SLIT1: variants seen among roughly 807,000 people sequenced by gnomAD.
SLIT1 encodes slit guidance ligand 1, also known as slit homolog 1 protein.
A neutral mutation model predicts 186.1 loss-of-function variants in SLIT1; 66 were observed. The ratio of observed to expected loss-of-function variants is 0.35; its 90% confidence interval spans 0.29 to 0.44. The LOEUF (loss-of-function observed/expected upper bound fraction) is 0.44, where lower values mean the gene tolerates loss of function less well. Ranked by LOEUF, SLIT1 falls within the 20% of genes least tolerant of loss-of-function variation. SLIT1 has a pLI of 1.00. For missense variants in SLIT1, 1,638 were observed against 2,037.4 expected, an observed-to-expected ratio of 0.80 and a Z score of 3.77; for synonymous variants, 761 against 833.8, an observed-to-expected ratio of 0.91 and a Z score of 1.50.
intron 4 of SLIT1, among the ~76,000 whole-genome samples, chr10:97,111,898 G>T (rs1246246425): frequency 2.0e-5 from 3 of 152,108 alleles, no homozygotes; most frequent in Non-Finnish European, 4.4e-5. Context: ...GTTTGTGAGG[G>T]AATTTGTGCC....
chr10:97,183,406 G>T (rs1311761217), intron 1 of SLIT1, among the ~76,000 whole-genome samples: 2 of 152,216 alleles, frequency 1.3e-5, no homozygotes, highest in African/African-American at 4.8e-5. Flanking sequence ...AGCATCAGAA[G>T]GTACCAGGCA....
intron 4 of SLIT1, among the ~76,000 whole-genome samples, chr10:97,114,976 G>A (rs1446014809): frequency 6.6e-6 from 1 of 152,262 alleles, no homozygotes; most frequent in Middle Eastern, 3.4e-3. Context: ...CTGTTGTGAC[G>A]ATTCCTGCCA....
Position 97,083,311 on chromosome 10 carries a change from A to G in SLIT1, c.414-17225T>C, listed in dbSNP as rs111384791. ...TAACTGAGGCATAGTAACTTTCCCA[A>G]CCTGCCTAACTGCAGAACCCACAAG... On this transcript the variant is annotated intron_variant, in intron 4 of 36. Transcript: ENST00000266058. Among the ~76,000 whole-genome samples, 603 of 152,258 alleles carry G rather than the reference A, an allele frequency of 4.0e-3. 3 individuals carry two copies. The highest frequency in any genetic ancestry group is 0.011 in the African/African-American group (468 of 41,536).
At chr10:97,163,505 G>C in intron 2 of SLIT1, 54 bp from the exon 3 acceptor site, 1 of 1,522,444 alleles carries the variant, frequency 6.6e-7, no homozygotes, top group East Asian at 2.3e-5. Context: ...AGGGCTGCTA[G>C]AAACAGCTGG....
intron 4 of SLIT1, among the ~76,000 whole-genome samples, chr10:97,116,350 GC>G (rs1350527954): frequency 6.6e-6 from 1 of 152,148 alleles, no homozygotes; most frequent in South Asian, 2.1e-4. Flanking sequence ...GCTAGCCGAA[GC>G]CCACTGCAAG....
rs531662419 is a variant in SLIT1 at position 97,176,810 on chromosome 10, C to T, written c.197+8668G>A. Among the ~76,000 whole-genome samples the T allele has an allele frequency of 2.7e-4, 41 of 152,304 alleles. No homozygotes were observed. The South Asian group carries it at 7.0e-3, about 26-fold the overall frequency. On this transcript the variant is annotated intron_variant, in intron 1 of 36. Transcript: ENST00000266058. ...CTCGGCCCAGGTTCAAATCCACAAA[C>T]GTGTAGCCACTGCTCTCCACTGTCA...
At chr10:97,082,768 T>C (rs1849118283) in intron 4 of SLIT1, among the ~76,000 whole-genome samples, 1 of 152,142 alleles carries the variant, frequency 6.6e-6, no homozygotes, top group Non-Finnish European at 1.5e-5. Context: ...ATGAGACACA[T>C]GCTCTCACCA....
intron 4 of SLIT1, among the ~76,000 whole-genome samples, chr10:97,090,469 C>T (rs371066809): frequency 2.0e-5 from 3 of 152,104 alleles, no homozygotes; most frequent in African/African-American, 7.2e-5. Flanking sequence ...CGGAGAGCCT[C>T]GGAGGCATGG....
intron 4 of SLIT1, among the ~76,000 whole-genome samples, chr10:97,077,257 A>G (rs546110991): frequency 6.6e-6 from 1 of 151,298 alleles, no homozygotes; most frequent in Admixed American, 6.6e-5. Flanking sequence ...ACAGAGTGAG[A>G]CTCCATCTCT....
At chr10:97,035,902 C>A (rs1185224240) in intron 22 of SLIT1, among the ~76,000 whole-genome samples, 1 of 152,176 alleles carries the variant, frequency 6.6e-6, no homozygotes, top group Admixed American at 6.5e-5. Context: ...GCTCGTGTTC[C>A]AAGATGCCCT....
chr10:97,047,976 G>C lies in SLIT1; in HGVS notation c.1486C>G (p.Pro496Ala), dbSNP rs550157768. Residue 496 changes from proline to alanine, a missense_variant, in exon 15 of 37, where the codon CCA (proline) becomes GCA (alanine). By Grantham distance (27) the Pro-to-Ala change is conservative. Around this residue, in one of 3 missense-constraint regions of SLIT1, gnomAD observed 1,245 missense variants for 1,535.3 expected, o/e 0.81. Coordinates refer to ENST00000266058, the MANE Select transcript of SLIT1 (RefSeq NM_003061.3). ...RCSAKEQYFI[P>A]GTEDYQLNSE... Reference sequence around the variant, plus strand: ...TTGGATCCCCCCACTCTCCTACCTGGAATGAAGTACTGCTCTTTGGCTGGG... The same window carrying C: ...TTGGATCCCCCCACTCTCCTACCTGCAATGAAGTACTGCTCTTTGGCTGGG... The C allele has an allele frequency of 5.0e-6, 8 of 1,614,138 alleles. No homozygotes were observed. The African/African-American group carries it at 5.3e-5, about 11-fold the overall frequency.
At chr10:97,033,421 A>T (rs950768878) in intron 23 of SLIT1, among the ~76,000 whole-genome samples, 91 of 152,304 alleles carry the variant, frequency 6.0e-4, no homozygotes, top group African/African-American at 2.2e-3. Context: ...ATATAATTAA[A>T]GCCAGCATTT....
intron 1 of SLIT1, among the ~76,000 whole-genome samples, chr10:97,165,651 G>C (rs1052730141): frequency 1.2e-4 from 19 of 152,276 alleles, no homozygotes; most frequent in African/African-American, 4.1e-4. Context: ...GAAGGCCGGA[G>C]AGAGCAAGCA....
chr10:97,020,464 T>G (rs1280288085), intron 26 of SLIT1, among the ~76,000 whole-genome samples: 1 of 152,254 alleles, frequency 6.6e-6, no homozygotes, highest in African/African-American at 2.4e-5. Context: ...AGCAAAGGTT[T>G]CAGCATAAAT....
chr10:97,074,126 G>A (rs975214434), intron 4 of SLIT1, among the ~76,000 whole-genome samples: 11 of 152,094 alleles, frequency 7.2e-5, no homozygotes, highest in African/African-American at 2.7e-4. Flanking sequence ...CAGGTGCACC[G>A]AATGTGATGA....
chr10:97,119,892 A>G (rs1849542851), intron 4 of SLIT1, among the ~76,000 whole-genome samples: 1 of 114,562 alleles, frequency 8.7e-6, no homozygotes, highest in African/African-American at 3.0e-5. Context: ...AGGAGGAAAT[A>G]CATATTTTTT....
chr10:97,164,288 G>A (rs950803726), intron 2 of SLIT1, among the ~76,000 whole-genome samples: 3 of 151,900 alleles, frequency 2.0e-5, no homozygotes, highest in African/African-American at 7.2e-5. Flanking sequence ...AGGGCAGGGG[G>A]GGGAACCGCC....
At chr10:97,048,643 TA>T (rs1403618623) in intron 14 of SLIT1, among the ~76,000 whole-genome samples, 1 of 152,122 alleles carries the variant, frequency 6.6e-6, no homozygotes, top group African/African-American at 2.4e-5. Flanking sequence ...GGGTTCACAG[TA>T]ATGAAAGACA....
At chr10:97,145,638 A>G (rs1174876649) in intron 4 of SLIT1, among the ~76,000 whole-genome samples, 1 of 152,194 alleles carries the variant, frequency 6.6e-6, no homozygotes, top group Non-Finnish European at 1.5e-5. Flanking sequence ...ATGTGGCTGG[A>G]CCCGAGAAGA....
Sources: gnomAD v4.1 joint callset for allele counts (sites outside exome capture counted in the v4.1 genomes callset) on GRCh38, gnomAD v4.1.1 for gene constraint, gnomAD v4.1.1 regional missense constraint, MANE v1.5 for transcripts, NCBI Gene and HGNC (gene_info 2026-07-23, HGNC 2026-07-21) for gene names.